The following SLC51A variants were observed in gnomAD, a reference collection of about 807,000 sequenced individuals.
SLC51A encodes organic solute transporter subunit alpha.
Under a neutral mutation model 34.8 loss-of-function variants are expected in SLC51A, and 22 were observed. That is an observed-to-expected ratio of 0.63 (90% confidence interval 0.45 to 0.90). SLC51A has a LOEUF of 0.90. Ranked by LOEUF, SLC51A falls within the 40% of genes least tolerant of loss-of-function variation. The pLI is 0.00. For missense variants in SLC51A, 371 were observed against 414.8 expected (o/e 0.89, Z 0.92); for synonymous variants, 181 against 176.3 (o/e 1.03, Z -0.21).
At chr3:196,224,873 T>A (rs549460710) in intron 2 of SLC51A, among the ~76,000 whole-genome samples, 1 of 151,658 alleles carries the variant, frequency 6.6e-6, no homozygotes, top group African/African-American at 2.4e-5. Flanking sequence ...TCCAAAACTA[T>A]GAGAAAATAA....
chr3:196,230,120 TAGTA>T (rs770174568), intron 7 of SLC51A, 59 bp downstream of exon 7: 13 of 1,470,134 alleles, frequency 8.8e-6, no homozygotes, highest in African/African-American at 2.8e-5. Flanking sequence ...TAGTTGGGGT[TAGTA>T]AGTGAGGCCA....
chr3:196,228,797 T>C lies in SLC51A; in HGVS notation c.522-12T>C, dbSNP rs1283979750. The stretch of plus-strand genomic sequence containing the variant: ...TTGTGGGCCCATGTTCCTAACCCTC[T>C]TCCCCACTCAGGAAGAAGCTTCAGC... On this transcript the variant is annotated splice_polypyrimidine_tract_variant and intron_variant, in intron 5 of 8. Transcript: ENST00000296327. This position sits in a 1 kb window ranked among gnomAD's most constrained non-coding sequence, Gnocchi z 4.9. The C allele has an allele frequency of 2.5e-6, 4 of 1,611,834 alleles. No individual in the cohort carries two copies. Among genetic ancestry groups the C allele is most frequent in the Non-Finnish European group, 3.4e-6 (4 of 1,178,052 alleles).
Position 196,216,835 on chromosome 3 carries a change from C to A in SLC51A, c.38+85C>A. ...GCCTGTCCTCTCTCCCTCCCAGAGC[C>A]CTTTGGCGGCCGCACTCAGAATGAG... On this transcript the variant is annotated intron_variant, in intron 1 of 8. Coordinates refer to ENST00000296327, the MANE Select transcript of SLC51A (RefSeq NM_152672.6). The surrounding 1 kb of genome is among the most constrained non-coding windows in gnomAD (Gnocchi z 4.5). 1 of 1,346,712 alleles carries A rather than the reference C, an allele frequency of 7.4e-7. No individual in the cohort carries two copies. The highest frequency in any genetic ancestry group is 1.0e-6 in the Non-Finnish European group (1 of 983,972). The allele number at this position is 1,346,712 out of a possible 1,614,324, so 83.4% of individuals were successfully genotyped here. A position where few individuals can be genotyped will look rare whatever the true frequency, so the allele number is the denominator to read the frequency against.
rs1723595799 is a variant in SLC51A at position 196,216,892 on chromosome 3, G to A, written c.38+142G>A. 2 of 951,524 alleles carry A rather than the reference G, an allele frequency of 2.1e-6. No individual in the cohort carries two copies. The highest frequency in any genetic ancestry group is 2.8e-5 in the Admixed American group (1 of 36,254). 58.9% of individuals were successfully genotyped at this position (951,524 alleles called of 1,614,324 possible). A position where few individuals can be genotyped will look rare whatever the true frequency, so the allele number is the denominator to read the frequency against. ...CTGGAAATGCTCTAGCTGTTCCTAGGTCCTCAGGGACAACGTGGGTTTGGG... is the reference window on the plus strand; with the variant it reads ...CTGGAAATGCTCTAGCTGTTCCTAGATCCTCAGGGACAACGTGGGTTTGGG... On this transcript the variant is annotated intron_variant, in intron 1 of 8. Transcript: ENST00000296327. This position sits in a 1 kb window ranked among gnomAD's most constrained non-coding sequence, Gnocchi z 4.5.
chr3:196,222,931 C>T (rs1438161601), intron 2 of SLC51A, among the ~76,000 whole-genome samples: 2 of 151,762 alleles, frequency 1.3e-5, no homozygotes, highest in East Asian at 3.9e-4. Flanking sequence ...CTTTTCCTTT[C>T]CTAATTAGAG....
intron 2 of SLC51A, among the ~76,000 whole-genome samples, chr3:196,223,038 A>T (rs1423930695): frequency 6.6e-6 from 1 of 151,752 alleles, no homozygotes; most frequent in African/African-American, 2.4e-5. Flanking sequence ...CGGCCCTCCC[A>T]GGGTTGCCTT....
rs754439479 is a variant in SLC51A, at chr3:196,216,679, C to G, written c.-34C>G. 18 of 1,551,796 alleles carry G rather than the reference C, an allele frequency of 1.2e-5. No individual in the cohort carries two copies. The highest frequency in any genetic ancestry group is 3.4e-4 in the Middle Eastern group (2 of 5,878). On this transcript the variant is annotated 5_prime_UTR_variant, in exon 1 of 9. Coordinates refer to ENST00000296327, the MANE Select transcript of SLC51A (RefSeq NM_152672.6). This position sits in a 1 kb window ranked among gnomAD's most constrained non-coding sequence, Gnocchi z 4.5. ...CCGCCCCGCCTGCCCTTCCTCACCCCGGTGCCTGCGGGATTGCTGGAGAGA... is the reference window on the plus strand; with the variant it reads ...CCGCCCCGCCTGCCCTTCCTCACCCGGGTGCCTGCGGGATTGCTGGAGAGA...
At chr3:196,220,644 C>T (rs1057398115) in intron 2 of SLC51A, among the ~76,000 whole-genome samples, 8 of 152,156 alleles carry the variant, frequency 5.3e-5, no homozygotes, top group African/African-American at 1.7e-4. Flanking sequence ...GTCGTTGCCC[C>T]GGCCTGCCAT....
intron 2 of SLC51A, chr3:196,223,997 T>C (rs991784239): frequency 3.1e-5 from 10 of 318,388 alleles, no homozygotes; most frequent in Non-Finnish European, 4.9e-5. Context: ...TAGGTGGGAT[T>C]ACAGGTACTC....
At chr3:196,227,477 G>A (rs1723926535) in intron 3 of SLC51A, 187 bp from the exon 4 acceptor site, 1 of 619,762 alleles carries the variant, frequency 1.6e-6, no homozygotes, top group Non-Finnish European at 2.9e-6. Context: ...TTACGCTGAG[G>A]CTTTTGAAAC....
intron 2 of SLC51A, among the ~76,000 whole-genome samples, chr3:196,222,125 T>C (rs199598006): frequency 6.6e-6 from 1 of 152,244 alleles, no homozygotes. Context: ...GTTAGAAAGC[T>C]GGGATTATGG....
chr3:196,227,171 C>G, intron 3 of SLC51A, 52 bp downstream of exon 3: 1 of 1,581,858 alleles, frequency 6.3e-7, no homozygotes, highest in Non-Finnish European at 8.6e-7. Flanking sequence ...AGGCAGAGAC[C>G]AAGGTGAGAA....
At position 196,216,560 on chromosome 3, in the gene SLC51A, C is replaced by T. The variant is rs1723574642; in HGVS notation, c.-153C>T. On this transcript the variant is annotated 5_prime_UTR_variant, in exon 1 of 9. Transcript: ENST00000296327. The surrounding 1 kb of genome is among the most constrained non-coding windows in gnomAD (Gnocchi z 4.5). ...AGATAGAAAGTTGGCCCGGGAAGCT[C>T]AAGGAGGGAGAGCGGCAGAGGGGAA... 1.2e-6 allele frequency: 1 copy of T among 805,098 alleles called. No homozygotes were observed. Among genetic ancestry groups the T allele is most frequent in the South Asian group, 1.5e-5 (1 of 68,602 alleles). The allele number at this position is 805,098 out of a possible 1,614,324, so 49.9% of individuals were successfully genotyped here. A position where few individuals can be genotyped will look rare whatever the true frequency, so the allele number is the denominator to read the frequency against.
chr3:196,229,379 T>TC (rs1491498632), intron 6 of SLC51A, among the ~76,000 whole-genome samples: 1 of 44,706 alleles, frequency 2.2e-5, no homozygotes, highest in East Asian at 9.4e-3. Context: ...ATACCATCTC[T>TC]TTTTTTTTTT....
rs781066240 is a variant in SLC51A at position 196,227,123 on chromosome 3, AG to A, written c.288+6del. 6.8e-6 allele frequency: 11 copies of A among 1,613,440 alleles called. No homozygotes were observed. Among genetic ancestry groups the A allele is most frequent in the Non-Finnish European group, 9.3e-6 (11 of 1,179,950 alleles). ...CTGGAAGAGCTCGGCACCCACGGTG[AG>A]GCCCCCGGGGCTGCCCTGTGGGGGG... On this transcript the variant is annotated splice_donor_5th_base_variant and intron_variant, in intron 3 of 8. Transcript: ENST00000296327.
chr3:196,229,865 G>A (rs1430855534), intron 6 of SLC51A, 50 bp from the exon 7 acceptor site: 1 of 1,552,516 alleles, frequency 6.4e-7, no homozygotes, highest in South Asian at 1.2e-5. Flanking sequence ...AAGAGAGAGA[G>A]AGAGAGAGAG....
At position 196,217,940 on chromosome 3, in the gene SLC51A, A is replaced by G. The variant is rs538458484; in HGVS notation, c.133+4A>G. On this transcript the variant is annotated splice_donor_region_variant and intron_variant, in intron 2 of 8. Coordinates refer to ENST00000296327, the MANE Select transcript of SLC51A (RefSeq NM_152672.6). ...ACAGCAGCCCAACTCCTGAGAGGTG[A>G]GTGGGGACCCTCCTCAGAGGGAACT... 1.2e-6 allele frequency: 2 copies of G among 1,611,136 alleles called. No individual in the cohort carries two copies. The highest frequency in any genetic ancestry group is 2.7e-5 in the African/African-American group (2 of 74,912).
At chr3:196,221,871 A>G (rs934671021) in intron 2 of SLC51A, among the ~76,000 whole-genome samples, 26 of 151,832 alleles carry the variant, frequency 1.7e-4, no homozygotes, top group African/African-American at 5.8e-4. Flanking sequence ...GCCCGCCACC[A>G]CACCCGGCTA....
At chr3:196,222,589 C>T (rs113671026) in intron 2 of SLC51A, among the ~76,000 whole-genome samples, 1 of 150,742 alleles carries the variant, frequency 6.6e-6, no homozygotes, top group African/African-American at 2.4e-5. Flanking sequence ...AAGCCGAGAT[C>T]GCGCCACTGC....
Sources: gnomAD v4.1 joint callset for allele counts (sites outside exome capture counted in the v4.1 genomes callset) on GRCh38, gnomAD v4.1.1 for gene constraint, Gnocchi (gnomAD v3.1) non-coding constraint, MANE v1.5 for transcripts, NCBI Gene and HGNC (gene_info 2026-07-23, HGNC 2026-07-21) for gene names.